Variants in LATS2 observed in about 807,000 individuals in gnomAD.
LATS2 encodes the protein large tumor suppressor kinase 2.
In LATS2, 24 loss-of-function variants were observed where a neutral mutation model predicts 76.0. That is an observed-to-expected ratio of 0.32 (90% CI 0.23 to 0.44). LATS2 has a LOEUF of 0.44. Ranked by LOEUF, LATS2 falls within the 20% of genes least tolerant of loss-of-function variation. The pLI, the probability that LATS2 is intolerant of heterozygous loss-of-function variation, is 1.00. For synonymous variants in LATS2, 692 were observed against 635.4 expected (o/e 1.09, Z -1.34); for missense variants, 1,286 against 1,481.2 (o/e 0.87, Z 2.16).
chr13:21,051,774 C>G (rs892943724), intron 1 of LATS2, among the ~76,000 whole-genome samples: 4 of 152,184 alleles, frequency 2.6e-5, no homozygotes, highest in Non-Finnish European at 5.9e-5. Context: ...ACCTGGGCAA[C>G]AGAGGCAGAC....
At chr13:21,007,700 G>GTGTGTATA (rs1418724711) in intron 2 of LATS2, among the ~76,000 whole-genome samples, 18 of 1,694 alleles carry the variant, frequency 0.011, 3 homozygotes, top group East Asian at 0.17. Context: ...TATATATATA[G>GTGTGTATA]TATGTATATA....
In LATS2 at chr13:20,975,112, T is replaced by C. The variant is rs1160850771; in HGVS notation, c.3025A>G (p.Ser1009Gly). ...TSNFDPVDEE[S>G]PWNDASEGST... The stretch of plus-strand genomic sequence containing the variant: ...CCTTCGCTGGCATCGTTCCAAGGGC[T>C]TTCTTCATCTACGGGGTCGAAATTC... The change falls in exon 8 of 8, where the codon AGC (serine) becomes GGC (glycine). Residue 1009 changes from serine (S) to glycine (G), a missense_variant. Around this residue, in one of 5 missense-constraint regions of LATS2, gnomAD observed 210 missense variants for 234.9 expected, o/e 0.89. Transcript: ENST00000382592. 6.2e-7 allele frequency: 1 copy of C among 1,614,230 alleles called. No individual in the cohort carries two copies. The highest frequency in any genetic ancestry group is 1.1e-5 in the South Asian group (1 of 91,088).
chr13:20,973,809 G>A lies in LATS2; in HGVS notation c.*1061C>T, dbSNP rs1232214203. 1 of 230,074 alleles carries A rather than the reference G, an allele frequency of 4.3e-6. No individual in the cohort carries two copies. Among genetic ancestry groups the A allele is most frequent in the Non-Finnish European group, 8.6e-6 (1 of 115,970 alleles). 14.3% of individuals were successfully genotyped at this position (230,074 alleles called of 1,614,324 possible). A position where few individuals can be genotyped will look rare whatever the true frequency, so the allele number is the denominator to read the frequency against. ...GGGCAGTCTGTCAGTAAAAAGGTAA[G>A]TAGTAGGGTCAGAGGTATGGCATTC... is the stretch of plus-strand genomic sequence containing the variant. On this transcript the variant is annotated 3_prime_UTR_variant, in exon 8 of 8. Transcript: ENST00000382592.
intron 2 of LATS2, among the ~76,000 whole-genome samples, chr13:21,041,093 C>T (rs1433510240): frequency 4.6e-5 from 7 of 152,104 alleles, no homozygotes; most frequent in African/African-American, 1.7e-4. Flanking sequence ...CTGCCTCAGC[C>T]TCCAGAGTAG....
rs1381086646 is a variant in LATS2, at chr13:20,988,648, G to A, written c.1132C>T (p.Arg378Trp). Residue 378 changes from arginine to tryptophan, a missense_variant, in exon 4 of 8, where the codon CGG becomes TGG. By Grantham distance (101) the Arg-to-Trp change is moderately radical. This residue lies in a region of LATS2 where 710 missense variants were observed against 660.9 expected (regional missense o/e 1.07). Coordinates refer to ENST00000382592, the MANE Select transcript of LATS2 (RefSeq NM_014572.3). ...QQWPAATLAR[R>W]DSLQKPGLEA... The stretch of plus-strand genomic sequence containing the variant: ...AGGCCCGGCTTCTGCAGGGAGTCCC[G>A]GCGGGCCAGGGTGGCAGCCGGCCAC... The A allele has an allele frequency of 7.0e-6, 11 of 1,581,316 alleles. No individual in the cohort carries two copies. The highest frequency in any genetic ancestry group is 7.7e-6 in the Non-Finnish European group (9 of 1,173,060).
chr13:21,034,066 G>A (rs1872615293), intron 2 of LATS2, among the ~76,000 whole-genome samples: 1 of 152,142 alleles, frequency 6.6e-6, no homozygotes, highest in South Asian at 2.1e-4. Context: ...AACTTTACAA[G>A]TTTCTGAGCA....
chr13:21,060,449 C>T (rs1159160843), intron 1 of LATS2, among the ~76,000 whole-genome samples: 1 of 152,254 alleles, frequency 6.6e-6, no homozygotes, highest in Non-Finnish European at 1.5e-5. Flanking sequence ...CACGAAAGCG[C>T]TCCTGCGCCT....
intron 2 of LATS2, among the ~76,000 whole-genome samples, chr13:21,011,189 A>C (rs1196843985): frequency 1.3e-5 from 2 of 152,144 alleles, no homozygotes; most frequent in African/African-American, 4.8e-5. Flanking sequence ...ACCTCCTCTC[A>C]TCTCTTTCTT....
intron 2 of LATS2, among the ~76,000 whole-genome samples, chr13:21,028,260 C>T (rs1292421589): frequency 6.6e-6 from 1 of 152,114 alleles, no homozygotes; most frequent in Admixed American, 6.5e-5. Context: ...GACATGAACT[C>T]ATCATTTTTT....
chr13:20,988,313 C>A lies in LATS2; in HGVS notation c.1467G>T (p.Glu489Asp), dbSNP rs536552531. Residue 489 changes from glutamate to aspartate, a missense_variant, in exon 4 of 8, where the codon GAG becomes GAT. Transcript: ENST00000382592. ...CTGCGCCGCCCAGCGCCAGGGCATG[C>A]TCCTCCTTGGCGTCCAAGCCCTCCG... The part of the protein sequence containing the change: ...PAAEGLDAKE[E>D]HALALGGAGA... The A allele has an allele frequency of 4.5e-6, 7 of 1,546,766 alleles. No individual in the cohort carries two copies. The highest frequency in any genetic ancestry group is 1.4e-5 in the African/African-American group (1 of 73,080).
chr13:20,983,534 G>T lies in LATS2; in HGVS notation c.2172C>A (p.Asp724Glu), dbSNP rs762544451. 1.2e-6 allele frequency: 2 copies of T among 1,614,068 alleles called. No homozygotes were observed. Among genetic ancestry groups the T allele is most frequent in the African/African-American group, 1.3e-5 (1 of 74,916 alleles). The change falls in exon 5 of 8, where the codon GAC (aspartate) becomes GAA (glutamate). Residue 724 changes from aspartate (D) to glutamate (E), a missense_variant. By Grantham distance (45) the Asp-to-Glu change is conservative (BLOSUM62 2). Transcript: ENST00000382592. ...AGTAGAGTTTGACCACCCACTCATT[G>T]TCTGCCTCGGCCAGGATGTCCCTCT... ...KAERDILAEA[D>E]NEWVVKLYYS...
At chr13:21,038,600 T>C (rs1409846334) in intron 2 of LATS2, 1 of 152,166 alleles carries the variant, frequency 6.6e-6, no homozygotes, top group Non-Finnish European at 1.5e-5. Flanking sequence ...TATTGGAAAG[T>C]TTCCAATTAG....
At chr13:21,054,660 G>A (rs1452918872) in intron 1 of LATS2, among the ~76,000 whole-genome samples, 1 of 152,166 alleles carries the variant, frequency 6.6e-6, no homozygotes, top group South Asian at 2.1e-4. Flanking sequence ...ATCAACCAGG[G>A]CAGTCGAGAC....
At chr13:21,052,617 G>A (rs1169154526) in intron 1 of LATS2, among the ~76,000 whole-genome samples, 2 of 152,174 alleles carry the variant, frequency 1.3e-5, no homozygotes, top group Non-Finnish European at 2.9e-5. Flanking sequence ...CTCCCAAAGA[G>A]CTGGGATAAC....
At chr13:20,990,482 TTTTTTA>T (rs1237515495) in intron 3 of LATS2, among the ~76,000 whole-genome samples, 29 of 139,348 alleles carry the variant, frequency 2.1e-4, no homozygotes, top group East Asian at 5.9e-4. Flanking sequence ...TTTTTTTTTT[TTTTTTA>T]AATACAGACG....
At chr13:21,054,323 G>A (rs921937138) in intron 1 of LATS2, among the ~76,000 whole-genome samples, 17 of 152,060 alleles carry the variant, frequency 1.1e-4, no homozygotes, top group Non-Finnish European at 8.8e-5. Context: ...GCTGGAAATC[G>A]CTTGAACCTG....
At position 20,988,445 on chromosome 13, in the gene LATS2, C is replaced by T; in HGVS notation, c.1335G>A (p.Lys445=). Residue 445 remains lysine (K), a synonymous_variant, in exon 4 of 8, where the codon AAG becomes AAA. Transcript: ENST00000382592. Reference sequence around the variant, plus strand: ...GCTCCGGCCTCAGCACACGCACGCTCTTCACCGGGTGCAAGATGTGCGCGG... The same window carrying T: ...GCTCCGGCCTCAGCACACGCACGCTTTTCACCGGGTGCAAGATGTGCGCGG... ...VTAAHILHPV[K]SVRVLRPEPQ... 6.6e-7 allele frequency: 1 copy of T among 1,519,664 alleles called. No individual in the cohort carries two copies. The highest frequency in any genetic ancestry group is 2.0e-5 in the Admixed American group (1 of 49,256). The allele number at this position is 1,519,664 out of a possible 1,614,324, so 94.1% of individuals were successfully genotyped here.
chr13:21,043,858 G>C (rs1052192273), intron 2 of LATS2, among the ~76,000 whole-genome samples: 6 of 152,146 alleles, frequency 3.9e-5, no homozygotes, highest in African/African-American at 1.2e-4. Flanking sequence ...ACAGGGGCTT[G>C]GTTTGCCTCC....
chr13:20,973,668 TACTTCAAAGTAC>T lies in LATS2; in HGVS notation c.*1190_*1201del. 1 of 230,978 alleles carries T rather than the reference TACTTCAAAGTAC, an allele frequency of 4.3e-6. No homozygotes were observed. The highest frequency in any genetic ancestry group is 5.6e-5 in the Admixed American group (1 of 17,700). 14.3% of individuals were successfully genotyped at this position (230,978 alleles called of 1,614,324 possible). ...TTGTTTAAACCAAGTTAAGATTTGA[TACTTCAAAGTAC>T]ACTAAAAGAACAAAAAAAAAGTGAG... On this transcript the variant is annotated 3_prime_UTR_variant, in exon 8 of 8. Coordinates refer to ENST00000382592, the MANE Select transcript of LATS2 (RefSeq NM_014572.3).
Sources: gnomAD v4.1 joint callset for allele counts (sites outside exome capture counted in the v4.1 genomes callset) on GRCh38, gnomAD v4.1.1 for gene constraint, gnomAD v4.1.1 regional missense constraint, MANE v1.5 for transcripts, NCBI Gene and HGNC (gene_info 2026-07-23, HGNC 2026-07-21) for gene names.